PCDHGA2: variants seen among roughly 807,000 people sequenced by gnomAD.
PCDHGA2 encodes the protein protocadherin gamma subfamily A, 2.
PCDHGA2 carries 40 observed loss-of-function variants against 59.2 expected under a neutral mutation model. That is an observed-to-expected ratio of 0.68 (90% CI 0.52 to 0.88). The LOEUF (loss-of-function observed/expected upper bound fraction) is 0.88, where lower values mean the gene tolerates loss of function less well. PCDHGA2 is among the 40% of genes least tolerant of loss of function. The pLI is 0.00. For missense variants in PCDHGA2, 1,226 were observed against 1,204.0 expected (o/e 1.02, Z -0.27); for synonymous variants, 560 against 526.0 (o/e 1.06, Z -0.89).
chr5:141,376,190 G>A (rs759357506), intron 1 of PCDHGA2: 9 of 1,614,116 alleles, frequency 5.6e-6, no homozygotes, highest in Admixed American at 1.7e-5. Flanking sequence ...GGTCTCCTGC[G>A]TCTTCCTGGC....
rs567684479 is a variant in PCDHGA2 at position 141,432,875 on chromosome 5, G to T, written c.2425-61932G>T. The T allele has an allele frequency of 6.2e-7, 1 of 1,614,178 alleles. No individual in the cohort carries two copies. Among genetic ancestry groups the T allele is most frequent in the South Asian group, 1.1e-5 (1 of 91,084 alleles). ...GGCCGCGGTCTCCTGCGTCTTCCTG[G>T]CCTTCGTCATCTTGCTGCTGGCGCT... On this transcript the variant is annotated intron_variant, in intron 1 of 3. Coordinates refer to ENST00000394576, the MANE Select transcript of PCDHGA2 (RefSeq NM_018915.4). This position sits in a 1 kb window ranked among gnomAD's most constrained non-coding sequence, Gnocchi z 6.0.
At position 141,487,501 on chromosome 5, in the gene PCDHGA2, T is replaced by C. The variant is rs746285663; in HGVS notation, c.2425-7306T>C. 1.2e-6 allele frequency: 2 copies of C among 1,614,232 alleles called. No individual in the cohort carries two copies. The highest frequency in any genetic ancestry group is 3.3e-5 in the Admixed American group (2 of 60,028). ...ACTCTCATGGCTGTACACCCTTGGC[T>C]TCTGCACCCACTCGGAGTGATAGCT... On this transcript the variant is annotated intron_variant, in intron 1 of 3. Coordinates refer to ENST00000394576, the MANE Select transcript of PCDHGA2 (RefSeq NM_018915.4). The surrounding 1 kb of genome is among the most constrained non-coding windows in gnomAD (Gnocchi z 5.0).
In PCDHGA2 at chr5:141,339,186, C is replaced by G. The variant is rs751718275; in HGVS notation, c.215C>G (p.Ser72Cys). Residue 72 changes from serine (S) to cysteine (C), a missense_variant, in exon 1 of 4, where the codon TCC becomes TGC. Ser to Cys is a moderately radical substitution (Grantham distance 112). Transcript: ENST00000394576. ...QGVRIVSRGR[S>C]QLFALNPRSG... ...GTCCGCATCGTCTCCAGAGGTAGGT[C>G]CCAGCTCTTTGCTCTGAACCCGCGA... 1 of 1,614,002 alleles carries G rather than the reference C, an allele frequency of 6.2e-7. No individual in the cohort carries two copies. Among genetic ancestry groups the G allele is most frequent in the Non-Finnish European group, 8.5e-7 (1 of 1,179,964 alleles).
rs377414044 is a variant in PCDHGA2, at chr5:141,362,475, C to G, written c.2424+21080C>G. On this transcript the variant is annotated intron_variant, in intron 1 of 3. Coordinates refer to ENST00000394576, the MANE Select transcript of PCDHGA2 (RefSeq NM_018915.4). ...CGGAATTGGTTCCCGCGCAAGATCT[C>G]GTCTGTGACAATGCCTCTTGGGAAC... is the stretch of plus-strand genomic sequence containing the variant. The G allele has an allele frequency of 9.2e-5, 149 of 1,613,908 alleles. 1 individual carries two copies. The highest frequency in any genetic ancestry group is 1.2e-4 in the Non-Finnish European group (143 of 1,179,906).
At chr5:141,343,999 A>G (rs1757348427) in intron 1 of PCDHGA2, 5 of 1,494,008 alleles carry the variant, frequency 3.3e-6, no homozygotes, top group Non-Finnish European at 4.5e-6. Flanking sequence ...GGAAACTGGA[A>G]CCGAATTCAG....
At chr5:141,348,199 A>T (rs1758079809) in intron 1 of PCDHGA2, among the ~76,000 whole-genome samples, 1 of 152,264 alleles carries the variant, frequency 6.6e-6, no homozygotes, top group Admixed American at 6.5e-5. Flanking sequence ...AAAAGAATAG[A>T]TTCCTCCCTC....
Position 141,511,103 on chromosome 5 carries a change from A to G in PCDHGA2, c.2729A>G (p.Lys910Arg), listed in dbSNP as rs779731716. The G allele has an allele frequency of 6.2e-7, 1 of 1,614,214 alleles. No individual in the cohort carries two copies. The highest frequency in any genetic ancestry group is 8.5e-7 in the Non-Finnish European group (1 of 1,180,026). The change falls in exon 4 of 4, where the codon AAG becomes AGG. Residue 910 changes from lysine to arginine, a missense_variant. By Grantham distance (26) the Lys-to-Arg change is conservative. Coordinates refer to ENST00000394576, the MANE Select transcript of PCDHGA2 (RefSeq NM_018915.4). ...SNATLTNAAGKRDGKAPAGGN... is the reference protein window; with the variant it reads ...SNATLTNAAGRRDGKAPAGGN... ...GCCACACTGACCAACGCAGCTGGCA[A>G]GCGGGATGGCAAGGCCCCAGCAGGT...
chr5:141,401,106 G>A (rs1259844433), intron 1 of PCDHGA2, among the ~76,000 whole-genome samples: 5 of 152,208 alleles, frequency 3.3e-5, no homozygotes, highest in African/African-American at 9.6e-5. Context: ...CACTTTGGGA[G>A]GCCGAGGCGG....
Position 141,476,944 on chromosome 5 carries a change from C to A in PCDHGA2, c.2425-17863C>A. The A allele has an allele frequency of 1.9e-6, 3 of 1,614,188 alleles. No individual in the cohort carries two copies. The highest frequency in any genetic ancestry group is 2.5e-6 in the Non-Finnish European group (3 of 1,180,044). ...CAACGGATCTGGATGAAGGCCCCAA[C>A]GGTGAAATTATTTACTCCTTCGGCA... On this transcript the variant is annotated intron_variant, in intron 1 of 3. Transcript: ENST00000394576. This position sits in a 1 kb window ranked among gnomAD's most constrained non-coding sequence, Gnocchi z 7.6.
At chr5:141,371,281 G>A in intron 1 of PCDHGA2, 1 of 1,614,034 alleles carries the variant, frequency 6.2e-7, no homozygotes, top group Non-Finnish European at 8.5e-7. Context: ...AAGCTGGACA[G>A]TAAAACGGGG....
At chr5:141,464,024 G>A (rs2099074308) in intron 1 of PCDHGA2, among the ~76,000 whole-genome samples, 1 of 151,996 alleles carries the variant, frequency 6.6e-6, no homozygotes, top group East Asian at 1.9e-4. Context: ...CCACACTTTG[G>A]GAGGCCAAGG....
chr5:141,447,823 C>T lies in PCDHGA2; in HGVS notation c.2425-46984C>T, dbSNP rs192381755. ...AAAATTGGCTGGGCGTGGTGGCTCA[C>T]GCCTGTAATCCCAGTGCTTTGGGAG... On this transcript the variant is annotated intron_variant, in intron 1 of 3. Coordinates refer to ENST00000394576, the MANE Select transcript of PCDHGA2 (RefSeq NM_018915.4). Among the ~76,000 whole-genome samples, 677 of 152,272 alleles carry T rather than the reference C, an allele frequency of 4.4e-3. 5 individuals are homozygous for T. Among genetic ancestry groups the T allele is most frequent in the African/African-American group, 0.015 (635 of 41,548 alleles).
In PCDHGA2 at chr5:141,399,498, A is replaced by G. The variant is rs539360572; in HGVS notation, c.2424+58103A>G. The G allele has an allele frequency of 1.4e-5, 22 of 1,614,002 alleles. No individual in the cohort carries two copies. The African/African-American group carries it at 2.5e-4, about 19-fold the overall frequency. On this transcript the variant is annotated intron_variant, in intron 1 of 3. Coordinates refer to ENST00000394576, the MANE Select transcript of PCDHGA2 (RefSeq NM_018915.4). Reference sequence around the variant, plus strand: ...ACCAGGCGTCCTACTTAGTCAGTGTACCCGAAAACAACCCTCCTGGGGCCT... The same window carrying G: ...ACCAGGCGTCCTACTTAGTCAGTGTGCCCGAAAACAACCCTCCTGGGGCCT...
At chr5:141,466,809 C>T (rs1187657283) in intron 1 of PCDHGA2, among the ~76,000 whole-genome samples, 2 of 152,102 alleles carry the variant, frequency 1.3e-5, no homozygotes, top group African/African-American at 4.8e-5. Context: ...CCTATTCAGA[C>T]ATGGTATAAC....
chr5:141,351,454 C>T lies in PCDHGA2; in HGVS notation c.2424+10059C>T, dbSNP rs920289280. The T allele has an allele frequency of 2.5e-6, 4 of 1,613,146 alleles. No homozygotes were observed. The African/African-American group carries it at 5.3e-5, about 22-fold the overall frequency. ...TAGAATCCACCTCGAAGAATTATTA[C>T]AAGCTGGTGATTGCTGGAGCCCTAA... On this transcript the variant is annotated intron_variant, in intron 1 of 3. Transcript: ENST00000394576.
chr5:141,458,540 TTTTG>T (rs754668779), intron 1 of PCDHGA2, among the ~76,000 whole-genome samples: 43 of 150,468 alleles, frequency 2.9e-4, no homozygotes, highest in East Asian at 1.7e-3. Context: ...ATCAACTTTA[TTTTG>T]TTTGTTTGTT....
intron 1 of PCDHGA2, chr5:141,360,108 T>C (rs376839446): frequency 6.4e-7 from 1 of 1,555,128 alleles, no homozygotes; most frequent in Non-Finnish European, 8.7e-7. Flanking sequence ...ATTCCTCCTA[T>C]GGGCAAAGGA....
At chr5:141,399,825 C>G (rs1439243162) in intron 1 of PCDHGA2, 14 of 1,613,060 alleles carry the variant, frequency 8.7e-6, no homozygotes, top group Non-Finnish European at 1.2e-5. Context: ...TGGGTCCCGA[C>G]GGCTCTGCGC....
At chr5:141,404,395 CA>C (rs2094524205) in intron 1 of PCDHGA2, 7 of 1,613,768 alleles carry the variant, frequency 4.3e-6, no homozygotes, top group Non-Finnish European at 5.9e-6. Flanking sequence ...ACCCTGATAG[CA>C]ATGAGAATTC....
Sources: gnomAD v4.1 joint callset for allele counts (sites outside exome capture counted in the v4.1 genomes callset) on GRCh38, gnomAD v4.1.1 for gene constraint, Gnocchi (gnomAD v3.1) non-coding constraint, MANE v1.5 for transcripts, NCBI Gene and HGNC (gene_info 2026-07-23, HGNC 2026-07-21) for gene names.